Variants in CFAP58 observed in about 807,000 individuals in gnomAD.
CFAP58 encodes cilia and flagella associated protein 58.
A neutral mutation model predicts 119.5 loss-of-function variants in CFAP58; 88 were observed. That is an observed-to-expected ratio of 0.74 (90% confidence interval 0.62 to 0.88). The LOEUF (loss-of-function observed/expected upper bound fraction) is 0.88. Among genes scored for constraint, CFAP58 ranks in the 40% least tolerant of loss-of-function variants. The probability of loss-of-function intolerance (pLI) is 0.00; values close to 1 mark genes in which losing one functional copy is unlikely to be tolerated. For missense variants in CFAP58, 990 were observed against 1,021.2 expected, an observed-to-expected ratio of 0.97 and a Z score of 0.42; for synonymous variants, 365 against 366.3, an observed-to-expected ratio of 1.00 and a Z score of 0.04.
At position 104,358,604 on chromosome 10, in the gene CFAP58, C is replaced by T. The variant is rs2014627257; in HGVS notation, c.273C>T (p.Thr91=). The T allele has an allele frequency of 6.2e-7, 1 of 1,611,762 alleles. No homozygotes were observed. The highest frequency in any genetic ancestry group is 1.1e-5 in the South Asian group (1 of 90,932). The change falls in exon 2 of 18, where the codon ACC becomes ACT. Residue 91 remains threonine (T), a synonymous_variant. Coordinates refer to ENST00000369704, the MANE Select transcript of CFAP58 (RefSeq NM_001008723.2). ...ALKLSQDDQT[T]IASLKKEIEK... ...AGCTCTCTCAGGATGATCAGACCAC[C>T]ATTGCATCCCTAAAGAAGGTCAGTG...
intron 12 of CFAP58, 135 bp downstream of exon 12, chr10:104,399,635 G>A (rs1244086348): frequency 2.3e-6 from 2 of 884,846 alleles, no homozygotes; most frequent in African/African-American, 1.7e-5. Flanking sequence ...GACCCATCTT[G>A]TGTTGATTAA....
At chr10:104,399,974 C>G (rs2012233056) in intron 12 of CFAP58, among the ~76,000 whole-genome samples, 1 of 152,038 alleles carries the variant, frequency 6.6e-6, no homozygotes, top group South Asian at 2.1e-4. Context: ...AATTTAACTG[C>G]TCTGAGGGAC....
chr10:104,394,524 C>T (rs1050574859), intron 11 of CFAP58, among the ~76,000 whole-genome samples: 12 of 152,124 alleles, frequency 7.9e-5, no homozygotes, highest in African/African-American at 2.9e-4. Context: ...GAAATAGGCA[C>T]TCTCAATTTA....
chr10:104,361,958 G>T, intron 2 of CFAP58, 65 bp from the exon 3 acceptor site: 1 of 1,481,656 alleles, frequency 6.7e-7, no homozygotes, highest in Non-Finnish European at 9.3e-7. Flanking sequence ...TATTCTGTTT[G>T]CTGGTTTATC....
At chr10:104,430,586 G>A (rs936348116) in intron 15 of CFAP58, among the ~76,000 whole-genome samples, 2 of 152,080 alleles carry the variant, frequency 1.3e-5, no homozygotes, top group Non-Finnish European at 2.9e-5. Context: ...GCTGTGCAGC[G>A]TAATGACCTC....
At chr10:104,352,971 A>G (rs561911749), upstream of CFAP58, 1 of 152,390 alleles carries the variant, frequency 6.6e-6, no homozygotes, top group East Asian at 1.9e-4. Flanking sequence ...TCCCAAAAAT[A>G]CATATGGAAG....
intron 15 of CFAP58, among the ~76,000 whole-genome samples, chr10:104,440,013 G>T (rs1204862548): frequency 6.6e-6 from 1 of 152,088 alleles, no homozygotes; most frequent in Non-Finnish European, 1.5e-5. Flanking sequence ...TAGTAGAGAC[G>T]GGGTTTCACC....
Position 104,399,352 on chromosome 10 carries a change from T to G in CFAP58, c.1675-8T>G. On this transcript the variant is annotated splice_polypyrimidine_tract_variant and splice_region_variant and intron_variant, in intron 11 of 17. Coordinates refer to ENST00000369704, the MANE Select transcript of CFAP58 (RefSeq NM_001008723.2). ...TGAAATTTGCCTGTATCTTCCACTCTTTGTCAGGCTGAGCTGCAGAAGCTG... is the reference window on the plus strand; with the variant it reads ...TGAAATTTGCCTGTATCTTCCACTCGTTGTCAGGCTGAGCTGCAGAAGCTG... The G allele has an allele frequency of 6.2e-7, 1 of 1,613,258 alleles. No individual in the cohort carries two copies. Among genetic ancestry groups the G allele is most frequent in the Non-Finnish European group, 8.5e-7 (1 of 1,179,566 alleles).
At chr10:104,371,282 A>G (rs1333749937) in intron 7 of CFAP58, among the ~76,000 whole-genome samples, 1 of 152,196 alleles carries the variant, frequency 6.6e-6, no homozygotes, top group Admixed American at 6.5e-5. Context: ...GGCAAAAATG[A>G]CAATCCAACC....
At chr10:104,423,879 A>G (rs2012700587) in intron 15 of CFAP58, among the ~76,000 whole-genome samples, 1 of 152,218 alleles carries the variant, frequency 6.6e-6, no homozygotes, top group Non-Finnish European at 1.5e-5. Flanking sequence ...GAAATATCTT[A>G]GAAACAGAGG....
At chr10:104,432,507 C>CT (rs747229634) in intron 15 of CFAP58, among the ~76,000 whole-genome samples, 2,625 of 143,544 alleles carry the variant, frequency 0.018, 78 homozygotes, top group East Asian at 0.15. Context: ...GTAATAGGCA[C>CT]TTTTTTTTTT....
chr10:104,355,828 G>C (rs1376197061), intron 1 of CFAP58, among the ~76,000 whole-genome samples: 2 of 152,132 alleles, frequency 1.3e-5, no homozygotes, highest in Non-Finnish European at 2.9e-5. Context: ...AATCTCTTTT[G>C]TTCCTAAAAG....
intron 15 of CFAP58, among the ~76,000 whole-genome samples, chr10:104,412,730 C>T (rs1481962481): frequency 6.6e-6 from 1 of 152,088 alleles, no homozygotes; most frequent in Non-Finnish European, 1.5e-5. Flanking sequence ...CGATGGAAGC[C>T]TATGTTCAAG....
chr10:104,361,238 A>G (rs1343200671), intron 2 of CFAP58, among the ~76,000 whole-genome samples: 5 of 152,242 alleles, frequency 3.3e-5, no homozygotes, highest in Non-Finnish European at 5.9e-5. Flanking sequence ...TTATAACAGT[A>G]AGGAAGCCAA....
At chr10:104,420,098 C>A (rs1015876065) in intron 15 of CFAP58, among the ~76,000 whole-genome samples, 4 of 148,888 alleles carry the variant, frequency 2.7e-5, no homozygotes, top group Non-Finnish European at 5.9e-5. Flanking sequence ...CTTAAGGGAG[C>A]AGACTTTTAA....
At chr10:104,434,561 G>T (rs574459196) in intron 15 of CFAP58, among the ~76,000 whole-genome samples, 25 of 152,194 alleles carry the variant, frequency 1.6e-4, no homozygotes, top group Non-Finnish European at 2.9e-4. Flanking sequence ...CATGCAGCCT[G>T]GTTCATCCCA....
chr10:104,407,766 G>A (rs1287626111), intron 15 of CFAP58, among the ~76,000 whole-genome samples: 4 of 152,072 alleles, frequency 2.6e-5, no homozygotes, highest in South Asian at 2.1e-4. Context: ...GCGCCATCTC[G>A]GTTCACTGCA....
chr10:104,406,066 C>T (rs1246790310), intron 14 of CFAP58, among the ~76,000 whole-genome samples: 1 of 152,178 alleles, frequency 6.6e-6, no homozygotes, highest in African/African-American at 2.4e-5. Flanking sequence ...CACTGCACTC[C>T]AGCCTGGGCA....
In CFAP58 at chr10:104,388,908, G is replaced by A. The variant is rs371093713; in HGVS notation, c.1366-3325G>A. 2.0e-5 allele frequency among the ~76,000 whole-genome samples: 3 copies of A among 152,146 alleles called. No individual in the cohort carries two copies. In the East Asian group the frequency reaches 5.8e-4, roughly 29 times the overall value. ...TTTTCTGGACTCCCCTGAAGCCTAG[G>A]AGTGCCAGGAGCACCAATTCTCTGG... is the stretch of plus-strand genomic sequence containing the variant. On this transcript the variant is annotated intron_variant, in intron 9 of 17. Coordinates refer to ENST00000369704, the MANE Select transcript of CFAP58 (RefSeq NM_001008723.2).
Sources: allele counts gnomAD v4.1 joint callset (sites outside exome capture counted in the v4.1 genomes callset), GRCh38; gene constraint gnomAD v4.1.1; transcripts MANE v1.5; gene names NCBI Gene and HGNC (gene_info 2026-07-23, HGNC 2026-07-21).